NPAS3: variants seen among roughly 807,000 people sequenced by gnomAD.
The protein encoded by NPAS3 is neuronal PAS domain-containing protein 3.
NPAS3 carries 14 observed loss-of-function variants against 73.1 expected under a neutral mutation model. The ratio of observed to expected loss-of-function variants is 0.19; its 90% CI spans 0.13 to 0.30. The LOEUF is 0.30. Among genes scored for constraint, NPAS3 ranks in the 10% least tolerant of loss-of-function variants. NPAS3 has a pLI of 1.00. For missense variants in NPAS3, 1,096 were observed against 1,250.0 expected, an observed-to-expected ratio of 0.88 and a Z score of 1.86; for synonymous variants, 620 against 541.5, an observed-to-expected ratio of 1.14 and a Z score of -2.01.
chr14:33,236,295 G>T (rs1025932310), intron 3 of NPAS3, among the ~76,000 whole-genome samples: 7 of 152,048 alleles, frequency 4.6e-5, no homozygotes, highest in African/African-American at 1.4e-4. Context: ...GCTCTGGCCT[G>T]CTCCTGTGTG....
chr14:33,436,706 C>T (rs547168652), intron 4 of NPAS3, among the ~76,000 whole-genome samples: 386 of 152,276 alleles, frequency 2.5e-3, no homozygotes, highest in African/African-American at 8.8e-3. Context: ...AATTTACAAC[C>T]TATTTCTTCA....
chr14:33,174,733 A>T (rs1484197307), intron 2 of NPAS3, among the ~76,000 whole-genome samples: 1 of 152,200 alleles, frequency 6.6e-6, no homozygotes, highest in Non-Finnish European at 1.5e-5. Flanking sequence ...TAAGGAAATG[A>T]TTAAAACTTA....
chr14:33,393,562 G>A (rs1186181099), intron 4 of NPAS3, among the ~76,000 whole-genome samples: 1 of 152,130 alleles, frequency 6.6e-6, no homozygotes, highest in African/African-American at 2.4e-5. Flanking sequence ...CCCAAAAAAG[G>A]TCGGGGGAGA....
chr14:33,396,138 T>G (rs777886095), intron 4 of NPAS3, among the ~76,000 whole-genome samples: 17 of 152,148 alleles, frequency 1.1e-4, no homozygotes, highest in Non-Finnish European at 1.9e-4. Context: ...TTGAGATAAA[T>G]AGCTGACAGA....
At chr14:33,261,863 C>A (rs760002650) in intron 3 of NPAS3, among the ~76,000 whole-genome samples, 4 of 152,106 alleles carry the variant, frequency 2.6e-5, no homozygotes, top group Non-Finnish European at 5.9e-5. Flanking sequence ...TATAGGAATT[C>A]TTGGCTCTTG....
chr14:33,654,519 A>G (rs2059088604), intron 5 of NPAS3, among the ~76,000 whole-genome samples: 1 of 152,182 alleles, frequency 6.6e-6, no homozygotes, highest in Non-Finnish European at 1.5e-5. Flanking sequence ...GATTTTTTTA[A>G]AGAAAAATTC....
At chr14:33,545,066 C>T (rs559344596) in intron 4 of NPAS3, among the ~76,000 whole-genome samples, 1 of 151,664 alleles carries the variant, frequency 6.6e-6, no homozygotes, top group East Asian at 1.9e-4. Context: ...CCATTAATTT[C>T]TGCAATCCCT....
chr14:33,727,299 T>G (rs2061294713), intron 6 of NPAS3, among the ~76,000 whole-genome samples: 1 of 152,186 alleles, frequency 6.6e-6, no homozygotes, highest in Non-Finnish European at 1.5e-5. Flanking sequence ...CATAATTTTT[T>G]CTTCCTCTTT....
At chr14:33,729,291 A>C (rs182607610) in intron 6 of NPAS3, among the ~76,000 whole-genome samples, 66 of 152,330 alleles carry the variant, frequency 4.3e-4, no homozygotes, top group Non-Finnish European at 7.8e-4. Context: ...GCTGGGCCAC[A>C]TAGTTTTATC....
chr14:33,151,522 T>C (rs570909755), intron 2 of NPAS3, among the ~76,000 whole-genome samples: 1 of 152,326 alleles, frequency 6.6e-6, no homozygotes, highest in East Asian at 1.9e-4. Context: ...TGCACACTGT[T>C]TTTTACCTTG....
chr14:33,050,832 A>G (rs1000624447), intron 1 of NPAS3, among the ~76,000 whole-genome samples: 1 of 152,214 alleles, frequency 6.6e-6, no homozygotes, highest in Non-Finnish European at 1.5e-5. Flanking sequence ...GAGGATAATT[A>G]CTGTTATTAA....
intron 4 of NPAS3, among the ~76,000 whole-genome samples, chr14:33,430,125 T>C (rs1307450031): frequency 1.3e-5 from 2 of 152,098 alleles, no homozygotes; most frequent in South Asian, 2.1e-4. Flanking sequence ...TTGATGAGGA[T>C]TGTAAAATAA....
At chr14:33,733,405 A>G (rs2061447409) in intron 6 of NPAS3, among the ~76,000 whole-genome samples, 2 of 151,914 alleles carry the variant, frequency 1.3e-5, no homozygotes, top group African/African-American at 4.8e-5. Flanking sequence ...GTGTTTTAGT[A>G]AAATAGAACT....
intron 7 of NPAS3, among the ~76,000 whole-genome samples, chr14:33,770,354 G>A (rs2062612242): frequency 6.6e-6 from 1 of 152,176 alleles, no homozygotes; most frequent in Non-Finnish European, 1.5e-5. Flanking sequence ...GAATTCACAT[G>A]TTAACAAAGC....
At chr14:33,683,883 C>G (rs1283455175) in intron 6 of NPAS3, among the ~76,000 whole-genome samples, 1 of 152,238 alleles carries the variant, frequency 6.6e-6, no homozygotes, top group Non-Finnish European at 1.5e-5. Flanking sequence ...TTCATATCCT[C>G]TTGGTGTATG....
intron 2 of NPAS3, among the ~76,000 whole-genome samples, chr14:33,177,847 T>A (rs2045649160): frequency 6.6e-6 from 1 of 152,232 alleles, no homozygotes; most frequent in African/African-American, 2.4e-5. Flanking sequence ...TCAGTTCTAA[T>A]CCATTGGTCT....
At chr14:33,339,911 A>C (rs895046791) in intron 3 of NPAS3, among the ~76,000 whole-genome samples, 10 of 152,202 alleles carry the variant, frequency 6.6e-5, no homozygotes, top group African/African-American at 2.4e-4. Flanking sequence ...ATATATTGGG[A>C]TATTTAAATT....
At chr14:33,198,019 A>C (rs2046441320) in intron 2 of NPAS3, among the ~76,000 whole-genome samples, 2 of 151,014 alleles carry the variant, frequency 1.3e-5, no homozygotes, top group African/African-American at 2.4e-5. Flanking sequence ...GCAGACCTTC[A>C]CGGTGAGTAT....
At chr14:33,018,113 A>G (rs1170094064) in intron 1 of NPAS3, among the ~76,000 whole-genome samples, 1 of 152,202 alleles carries the variant, frequency 6.6e-6, no homozygotes, top group East Asian at 1.9e-4. Flanking sequence ...CTTTTTCTCC[A>G]GCAATTTGTT....
Sources: allele counts gnomAD v4.1 joint callset (sites outside exome capture counted in the v4.1 genomes callset), GRCh38; gene constraint gnomAD v4.1.1; transcripts MANE v1.5; gene names NCBI Gene and HGNC (gene_info 2026-07-23, HGNC 2026-07-21).